Variants in FANCD2 observed in about 807,000 individuals in gnomAD.
The protein encoded by FANCD2 is FA complementation group D2.
A neutral mutation model predicts 192.3 loss-of-function variants in FANCD2; 131 were observed. That is an observed-to-expected ratio of 0.68 (90% CI 0.59 to 0.79). The LOEUF (loss-of-function observed/expected upper bound fraction) is 0.79, where lower values mean the gene tolerates loss of function less well. Ranked by LOEUF, FANCD2 falls within the 30% of genes least tolerant of loss-of-function variation. The pLI is 0.00. For missense variants in FANCD2, 1,508 were observed against 1,701.6 expected (o/e 0.89, Z 2.00); for synonymous variants, 524 against 612.5 (o/e 0.86, Z 2.13).
intron 7 of FANCD2, among the ~76,000 whole-genome samples, chr3:10,037,010 G>GTTT (rs369295785): frequency 4.0e-5 from 6 of 149,796 alleles, no homozygotes; most frequent in African/African-American, 9.9e-5. Context: ...TAATTTTCGT[G>GTTT]GTTTTTTTTT....
chr3:10,067,887 A>G (rs1260876756), intron 26 of FANCD2, among the ~76,000 whole-genome samples: 2 of 152,360 alleles, frequency 1.3e-5, no homozygotes, highest in African/African-American at 2.4e-5. Context: ...ATGTAAATCA[A>G]TGTGATACCT....
intron 1 of FANCD2, among the ~76,000 whole-genome samples, chr3:10,026,815 T>C (rs2086464289): frequency 6.6e-6 from 1 of 152,160 alleles, no homozygotes; most frequent in Non-Finnish European, 1.5e-5. Context: ...AGTTTTTCCA[T>C]CTGCAAGATG....
intron 14 of FANCD2, 138 bp from the exon 15 acceptor site, chr3:10,046,442 A>C: frequency 7.1e-7 from 1 of 1,412,182 alleles, no homozygotes; most frequent in Non-Finnish European, 9.6e-7. Context: ...AAAAGTGTAG[A>C]TACTCCCAGG....
intron 29 of FANCD2, among the ~76,000 whole-genome samples, chr3:10,076,111 G>A (rs1693528512): frequency 6.6e-6 from 1 of 151,106 alleles, no homozygotes; most frequent in African/African-American, 2.4e-5. Context: ...TGAGTGAGCA[G>A]TTTGCAGTGA....
intron 25 of FANCD2, 33 bp from the exon 26 acceptor site, chr3:10,067,176 T>C: frequency 7.6e-7 from 1 of 1,312,232 alleles, no homozygotes; most frequent in Middle Eastern, 1.8e-4. Flanking sequence ...TCTGAACATT[T>C]GGAAGTATGA....
At chr3:10,086,175 T>C (rs2125070246) in intron 33 of FANCD2, among the ~76,000 whole-genome samples, 1 of 152,356 alleles carries the variant, frequency 6.6e-6, no homozygotes, top group South Asian at 2.1e-4. Context: ...GTAATAATGA[T>C]GAAAACATTG....
At chr3:10,075,974 G>T (rs1032609773) in intron 29 of FANCD2, among the ~76,000 whole-genome samples, 2 of 150,732 alleles carry the variant, frequency 1.3e-5, no homozygotes, top group African/African-American at 2.4e-5. Flanking sequence ...CTCGTGATCC[G>T]CCCGCCTTGG....
At chr3:10,057,614 C>T (rs974958798) in intron 18 of FANCD2, among the ~76,000 whole-genome samples, 1 of 152,174 alleles carries the variant, frequency 6.6e-6, no homozygotes, top group Non-Finnish European at 1.5e-5. Context: ...CTGCCTGTCT[C>T]AGCCCCTCAA....
chr3:10,034,735 A>T lies in FANCD2; in HGVS notation c.314A>T (p.Glu105Val). The change falls in exon 5 of 44, where the codon GAG becomes GTG. Residue 105 changes from glutamate to valine, a missense_variant. Around this residue, in one of 5 missense-constraint regions of FANCD2, gnomAD observed 435 missense variants for 421.9 expected, o/e 1.03. Transcript: ENST00000675286. The stretch of plus-strand genomic sequence containing the variant: ...GTTAGTGGCCTGGAGTCTTACATTG[A>T]GGATGAAGACAGTTTCAGGAACTGC... ...EFVSGLESYI[E>V]DEDSFRNCLL... 1 of 1,572,904 alleles carries T rather than the reference A, an allele frequency of 6.4e-7. No homozygotes were observed.
At chr3:10,078,231 A>G (rs775086110) in intron 30 of FANCD2, 34 bp downstream of exon 30, 37 of 1,410,966 alleles carry the variant, frequency 2.6e-5, no homozygotes, top group South Asian at 1.5e-4. Flanking sequence ...ACTTGGGCAT[A>G]GTGGATTTGG....
chr3:10,099,854 G>T (rs924294302), intron 43 of FANCD2, among the ~76,000 whole-genome samples: 1 of 152,126 alleles, frequency 6.6e-6, no homozygotes, highest in African/African-American at 2.4e-5. Context: ...CTGCTGTGGG[G>T]CCTCTGTCTG....
chr3:10,062,227 C>T lies in FANCD2; in HGVS notation c.1827+16C>T. ...GTGCACACAGGTGAGTTCTTTTTTT[C>T]CTTTCTTTCTTTTTCCTGTCTTTTT... On this transcript the variant is annotated intron_variant, in intron 20 of 43. Coordinates refer to ENST00000675286, the MANE Select transcript of FANCD2 (RefSeq NM_001018115.3). 1 of 1,606,362 alleles carries T rather than the reference C, an allele frequency of 6.2e-7. No homozygotes were observed. Among genetic ancestry groups the T allele is most frequent in the Non-Finnish European group, 8.5e-7 (1 of 1,174,646 alleles).
intron 14 of FANCD2, among the ~76,000 whole-genome samples, chr3:10,044,396 G>A (rs1010146747): frequency 2.0e-5 from 3 of 151,612 alleles, no homozygotes; most frequent in East Asian, 3.9e-4. Flanking sequence ...GGCCGGGCGC[G>A]GTAGCTCACG....
rs758843847 is a variant in FANCD2 at position 10,096,393 on chromosome 3, G to A, written c.4106G>A (p.Cys1369Tyr). ...LLKKTLELLV[C>Y]RVKAMLTLNN... ...AAAAAGACCCTGGAACTTTTAGTTTGCAGAGTCAAAGCTATGCTCACTCTC... is the reference window on the plus strand; with the variant it reads ...AAAAAGACCCTGGAACTTTTAGTTTACAGAGTCAAAGCTATGCTCACTCTC... Residue 1369 changes from cysteine to tyrosine, a missense_variant, in exon 42 of 44, where the codon TGC becomes TAC. Cys to Tyr is a radical substitution (Grantham distance 194). This residue lies in a region of FANCD2 where 796 missense variants were observed against 879.4 expected (regional missense o/e 0.91). Transcript: ENST00000675286. 9.9e-6 allele frequency: 16 copies of A among 1,613,932 alleles called. No homozygotes were observed. Among genetic ancestry groups the A allele is most frequent in the Non-Finnish European group, 1.4e-5 (16 of 1,179,946 alleles).
At position 10,034,688 on chromosome 3, in the gene FANCD2, C is replaced by T; in HGVS notation, c.274-7C>T. On this transcript the variant is annotated splice_polypyrimidine_tract_variant and splice_region_variant and intron_variant, in intron 4 of 43. Transcript: ENST00000675286. ...TTATTCTTTTTTATTTTTTAAATCT[C>T]CTTAAGATAATAGAAGAATTTGTTA... is the stretch of plus-strand genomic sequence containing the variant. 1 of 1,538,616 alleles carries T rather than the reference C, an allele frequency of 6.5e-7. No individual in the cohort carries two copies. Among genetic ancestry groups the T allele is most frequent in the East Asian group, 2.4e-5 (1 of 41,386 alleles).
intron 38 of FANCD2, among the ~76,000 whole-genome samples, 194 bp from the exon 39 acceptor site, chr3:10,093,091 C>T (rs1694750182): frequency 1.3e-5 from 2 of 152,128 alleles, no homozygotes. Context: ...TCTCTTTGCT[C>T]GTCTCTTCCT....
rs1694828305 is a variant in FANCD2 at position 10,094,375 on chromosome 3, G to A, written c.3963+12G>A. ...TTAGAAAACACCGGGTAAGAGCTAAGAGCAGAGAACAAAGATATGCACTGA... is the reference window on the plus strand; with the variant it reads ...TTAGAAAACACCGGGTAAGAGCTAAAAGCAGAGAACAAAGATATGCACTGA... On this transcript the variant is annotated intron_variant, in intron 40 of 43. Coordinates refer to ENST00000675286, the MANE Select transcript of FANCD2 (RefSeq NM_001018115.3). The A allele has an allele frequency of 6.8e-6, 11 of 1,609,884 alleles. No individual in the cohort carries two copies. The East Asian group carries it at 2.5e-4, about 36-fold the overall frequency.
At chr3:10,033,857 C>T (rs998164965) in intron 3 of FANCD2, among the ~76,000 whole-genome samples, 1 of 151,398 alleles carries the variant, frequency 6.6e-6, no homozygotes, top group Non-Finnish European at 1.5e-5. Flanking sequence ...GCCACCATGC[C>T]TGACTAATTT....
At chr3:10,096,867 A>G (rs774398860) in intron 42 of FANCD2, among the ~76,000 whole-genome samples, 4 of 152,190 alleles carry the variant, frequency 2.6e-5, no homozygotes, top group Non-Finnish European at 5.9e-5. Context: ...CTTATTCCAG[A>G]AATTACAAAT....
Sources: allele counts gnomAD v4.1 joint callset (sites outside exome capture counted in the v4.1 genomes callset), GRCh38; gene constraint gnomAD v4.1.1; regional missense constraint gnomAD v4.1.1; transcripts MANE v1.5; gene names NCBI Gene and HGNC (gene_info 2026-07-23, HGNC 2026-07-21).